The following DACH1 variants were observed in gnomAD, a reference collection of about 807,000 sequenced individuals.
DACH1 encodes the protein dachshund family transcription factor 1.
In DACH1, 12 loss-of-function variants were observed where a neutral mutation model predicts 54.2. The observed-to-expected ratio is 0.22, with a 90% CI of 0.14 to 0.36. The LOEUF (loss-of-function observed/expected upper bound fraction) is 0.36. Ranked by LOEUF, DACH1 falls within the 10% of genes least tolerant of loss-of-function variation. The pLI, the probability that DACH1 is intolerant of heterozygous loss-of-function variation, is 1.00. For synonymous variants in DACH1, 386 were observed against 366.2 expected, an observed-to-expected ratio of 1.05 and a Z score of -0.62; for missense variants, 805 against 929.8, an observed-to-expected ratio of 0.87 and a Z score of 1.75.
chr13:71,645,249 T>A (rs967559909), intron 2 of DACH1, among the ~76,000 whole-genome samples: 1 of 152,156 alleles, frequency 6.6e-6, no homozygotes, highest in Admixed American at 6.5e-5. Context: ...AATTTTGACA[T>A]AGGCATATAA....
At chr13:71,797,695 T>G (rs1483789182) in intron 1 of DACH1, among the ~76,000 whole-genome samples, 1 of 152,052 alleles carries the variant, frequency 6.6e-6, no homozygotes, top group African/African-American at 2.4e-5. Context: ...TTGAGTGAGC[T>G]TCACTTCACC....
intron 1 of DACH1, among the ~76,000 whole-genome samples, chr13:71,812,203 TA>T (rs959988658): frequency 6.6e-6 from 1 of 152,148 alleles, no homozygotes; most frequent in East Asian, 1.9e-4. Context: ...TGCATTTTAA[TA>T]AAAAAAGTTT....
At chr13:71,646,869 C>A (rs1878310409) in intron 2 of DACH1, among the ~76,000 whole-genome samples, 1 of 152,064 alleles carries the variant, frequency 6.6e-6, no homozygotes, top group Non-Finnish European at 1.5e-5. Context: ...AATAAAATAT[C>A]CATTTAATTG....
chr13:71,775,259 C>T (rs901305055), intron 1 of DACH1, among the ~76,000 whole-genome samples: 1 of 146,196 alleles, frequency 6.8e-6, no homozygotes, highest in Non-Finnish European at 1.5e-5. Context: ...GCCATAAATG[C>T]ATGCCACTGA....
intron 4 of DACH1, among the ~76,000 whole-genome samples, chr13:71,564,463 C>G (rs1281793176): frequency 6.7e-6 from 1 of 148,440 alleles, no homozygotes; most frequent in Non-Finnish European, 1.5e-5. Context: ...AAGAGGAGCA[C>G]TCTTTCACTG....
intron 2 of DACH1, among the ~76,000 whole-genome samples, chr13:71,676,429 G>A (rs1880576565): frequency 6.6e-6 from 1 of 152,150 alleles, no homozygotes; most frequent in Admixed American, 6.5e-5. Flanking sequence ...TGTTGGCCAG[G>A]CTGGTCTCGA....
intron 4 of DACH1, among the ~76,000 whole-genome samples, chr13:71,568,902 G>A (rs1885043065): frequency 6.6e-6 from 1 of 151,922 alleles, no homozygotes; most frequent in Non-Finnish European, 1.5e-5. Flanking sequence ...AGAGAGACAG[G>A]AGAGGAAATT....
intron 1 of DACH1, among the ~76,000 whole-genome samples, chr13:71,860,277 C>A (rs1874265958): frequency 6.6e-6 from 1 of 151,296 alleles, no homozygotes; most frequent in South Asian, 2.1e-4. Context: ...TGGCCAATCA[C>A]AAAGCATTAC....
At chr13:71,832,144 T>C (rs1460349979) in intron 1 of DACH1, among the ~76,000 whole-genome samples, 1 of 151,966 alleles carries the variant, frequency 6.6e-6, no homozygotes, top group Non-Finnish European at 1.5e-5. Flanking sequence ...GTTTAGACAG[T>C]AAAGGATCTT....
chr13:71,601,772 T>C (rs1874511465), intron 3 of DACH1, among the ~76,000 whole-genome samples: 1 of 152,010 alleles, frequency 6.6e-6, no homozygotes, highest in African/African-American at 2.4e-5. Flanking sequence ...TTTCACATTT[T>C]TGAAACTAAT....
chr13:71,823,013 G>A lies in DACH1; in HGVS notation c.848+42909C>T, dbSNP rs56027716. ...ATGTACCTTTGAGGGACTATATCCT[G>A]TAAAATAACACAGCACCAACACAAA... On this transcript the variant is annotated intron_variant, in intron 1 of 10. Transcript: ENST00000613252. Among the ~76,000 whole-genome samples, 161 of 152,200 alleles carry A rather than the reference G, an allele frequency of 1.1e-3. 1 individual carries two copies. The highest frequency in any genetic ancestry group is 3.7e-3 in the African/African-American group (155 of 41,548).
intron 4 of DACH1, 67 bp downstream of exon 4, chr13:71,572,773 A>G: frequency 2.7e-6 from 4 of 1,496,018 alleles, no homozygotes; most frequent in Admixed American, 4.0e-5. Flanking sequence ...ATGGAATAAG[A>G]AAAATGGATT....
At chr13:71,647,434 C>T (rs1254914990) in intron 2 of DACH1, among the ~76,000 whole-genome samples, 4 of 152,098 alleles carry the variant, frequency 2.6e-5, no homozygotes, top group Admixed American at 1.3e-4. Flanking sequence ...AGATAACCCT[C>T]ATATTAAAAA....
intron 6 of DACH1, among the ~76,000 whole-genome samples, chr13:71,524,418 AGT>A (rs1254026078): frequency 1.3e-5 from 2 of 152,132 alleles, no homozygotes; most frequent in Admixed American, 1.3e-4. Flanking sequence ...ATATCAACAA[AGT>A]GTGCTTTTTA....
chr13:71,784,835 A>G (rs1485532797), intron 1 of DACH1, among the ~76,000 whole-genome samples: 2 of 152,144 alleles, frequency 1.3e-5, no homozygotes, highest in Admixed American at 1.3e-4. Flanking sequence ...TCATAATAAA[A>G]TGTGCTGATA....
At chr13:71,864,504 C>T (rs1256731874) in intron 1 of DACH1, among the ~76,000 whole-genome samples, 3 of 152,178 alleles carry the variant, frequency 2.0e-5, no homozygotes, top group Non-Finnish European at 4.4e-5. Context: ...CACACACTAA[C>T]TCCGCTCCTT....
chr13:71,855,382 G>A (rs903441091), intron 1 of DACH1, among the ~76,000 whole-genome samples: 1 of 151,964 alleles, frequency 6.6e-6, no homozygotes, highest in Non-Finnish European at 1.5e-5. Flanking sequence ...TTGAGAGCAA[G>A]TCTTTCTATA....
At chr13:71,539,247 C>T (rs1050790124) in intron 6 of DACH1, among the ~76,000 whole-genome samples, 11 of 152,012 alleles carry the variant, frequency 7.2e-5, no homozygotes, top group Non-Finnish European at 1.5e-5. Context: ...CTTGAACTTG[C>T]ATGTTCTATG....
chr13:71,825,903 G>C (rs1594269092), intron 1 of DACH1, among the ~76,000 whole-genome samples: 1 of 152,138 alleles, frequency 6.6e-6, no homozygotes, highest in South Asian at 2.1e-4. Flanking sequence ...TTCTGGGAAG[G>C]AGCCAATACA....
Sources: gnomAD v4.1 joint callset for allele counts (sites outside exome capture counted in the v4.1 genomes callset) on GRCh38, gnomAD v4.1.1 for gene constraint, MANE v1.5 for transcripts, NCBI Gene and HGNC (gene_info 2026-07-23, HGNC 2026-07-21) for gene names.